The following VPS13B variants were observed in gnomAD, a reference collection of about 807,000 sequenced individuals.
VPS13B encodes vacuolar protein sorting 13 homolog B.
In VPS13B, 285 loss-of-function variants were observed where a neutral mutation model predicts 426.4. The observed-to-expected ratio is 0.67, with a 90% CI of 0.61 to 0.74. The LOEUF (loss-of-function observed/expected upper bound fraction) is 0.74. VPS13B is among the 30% of genes least tolerant of loss of function. VPS13B has a pLI of 0.00. For missense variants in VPS13B, 4,537 were observed against 4,782.6 expected (o/e 0.95, Z 1.51); for synonymous variants, 1,676 against 1,676.4 (o/e 1.00, Z 0.01).
chr8:99,707,411 TC>T (rs1832536955), intron 36 of VPS13B, among the ~76,000 whole-genome samples: 1 of 152,162 alleles, frequency 6.6e-6, no homozygotes, highest in African/African-American at 2.4e-5. Flanking sequence ...TATATTCCTT[TC>T]CCCAAAATCA....
chr8:99,590,182 T>C (rs974185909), intron 33 of VPS13B, among the ~76,000 whole-genome samples: 1 of 152,212 alleles, frequency 6.6e-6, no homozygotes, highest in African/African-American at 2.4e-5. Context: ...TCAGTGGTGA[T>C]ATCACCTTTA....
intron 33 of VPS13B, among the ~76,000 whole-genome samples, chr8:99,640,010 T>TAAGAAGAAGAAGAAGAAG (rs1459641340): frequency 5.5e-5 from 4 of 72,568 alleles, no homozygotes; most frequent in African/African-American, 2.2e-4. Flanking sequence ...ATAATAATAA[T>TAAGAAGAAGAAGAAGAAG]AATAATAATA....
chr8:99,871,799 G>A (rs976854868), intron 61 of VPS13B, 102 bp downstream of exon 61: 65 of 1,592,170 alleles, frequency 4.1e-5, no homozygotes, highest in Non-Finnish European at 5.5e-5. Context: ...AGCCTCTGGA[G>A]TGGCTGCTGG....
intron 3 of VPS13B, among the ~76,000 whole-genome samples, chr8:99,058,345 A>G (rs980809464): frequency 6.6e-6 from 1 of 151,442 alleles, no homozygotes; most frequent in Admixed American, 6.6e-5. Flanking sequence ...AAATATGAAA[A>G]CCCTAAAATC....
At chr8:99,551,253 A>ACT (rs143659116) in intron 30 of VPS13B, among the ~76,000 whole-genome samples, 40,424 of 151,680 alleles carry the variant, frequency 0.27, 6,123 homozygotes, top group East Asian at 0.44. Flanking sequence ...TCAGGCAGTA[A>ACT]CTATTTTTAA....
chr8:99,138,873 A>G (rs1241011141), intron 12 of VPS13B, among the ~76,000 whole-genome samples: 2 of 152,180 alleles, frequency 1.3e-5, no homozygotes. Context: ...TGTAGTAGTT[A>G]CCTTTTAAGC....
chr8:99,207,573 G>A (rs1354745627), intron 17 of VPS13B, among the ~76,000 whole-genome samples: 1 of 152,064 alleles, frequency 6.6e-6, no homozygotes, highest in Non-Finnish European at 1.5e-5. Flanking sequence ...TATTTTATTG[G>A]ATATTTGAAA....
intron 2 of VPS13B, among the ~76,000 whole-genome samples, chr8:99,036,540 A>G (rs1168240306): frequency 1.3e-5 from 2 of 152,078 alleles, no homozygotes; most frequent in African/African-American, 2.4e-5. Context: ...TGTGATTTTG[A>G]AATTGAAACT....
At chr8:99,173,137 A>G (rs1812446893) in intron 16 of VPS13B, among the ~76,000 whole-genome samples, 1 of 152,122 alleles carries the variant, frequency 6.6e-6, no homozygotes, top group Non-Finnish European at 1.5e-5. Context: ...CCAATTGTTG[A>G]TTTTAACTAG....
chr8:99,528,705 TAAG>T (rs939980574), intron 30 of VPS13B, among the ~76,000 whole-genome samples: 2 of 152,112 alleles, frequency 1.3e-5, no homozygotes, highest in African/African-American at 4.8e-5. Flanking sequence ...AAAATTACTG[TAAG>T]AAGCAAGAAT....
At chr8:99,427,918 G>T (rs929142311) in intron 21 of VPS13B, among the ~76,000 whole-genome samples, 9 of 152,124 alleles carry the variant, frequency 5.9e-5, no homozygotes, top group African/African-American at 1.9e-4. Flanking sequence ...AAAACAGCAT[G>T]GTACTGGTAC....
intron 35 of VPS13B, chr8:99,696,623 G>C (rs922837438): frequency 1.5e-6 from 1 of 671,798 alleles, no homozygotes; most frequent in South Asian, 1.5e-5. Flanking sequence ...AGGAGCTTCG[G>C]GTCAACCTGG....
intron 33 of VPS13B, among the ~76,000 whole-genome samples, chr8:99,602,399 A>G (rs1827348924): frequency 6.6e-6 from 1 of 152,168 alleles, no homozygotes; most frequent in South Asian, 2.1e-4. Flanking sequence ...AGGTTACTGT[A>G]GCCTTGTAGT....
At chr8:99,842,327 C>G (rs1246276253) in intron 54 of VPS13B, among the ~76,000 whole-genome samples, 1 of 152,132 alleles carries the variant, frequency 6.6e-6, no homozygotes, top group Non-Finnish European at 1.5e-5. Context: ...AGTAGGGAGA[C>G]TAGGTGCAAT....
chr8:99,749,112 C>G (rs540134413), intron 39 of VPS13B, among the ~76,000 whole-genome samples: 1 of 151,748 alleles, frequency 6.6e-6, no homozygotes, highest in East Asian at 1.9e-4. Flanking sequence ...TTTTTGGGTA[C>G]ATAGTAGATG....
At chr8:99,253,767 TA>T (rs1196016490) in intron 17 of VPS13B, among the ~76,000 whole-genome samples, 1 of 152,332 alleles carries the variant, frequency 6.6e-6, no homozygotes, top group African/African-American at 2.4e-5. Context: ...TCTGCCATTT[TA>T]TTTTTTGCTG....
At chr8:99,794,360 G>A (rs959093374) in intron 43 of VPS13B, among the ~76,000 whole-genome samples, 6 of 152,068 alleles carry the variant, frequency 3.9e-5, no homozygotes, top group African/African-American at 1.4e-4. Context: ...AATGTACAAT[G>A]GTATACGATA....
chr8:99,013,987 G>T lies in VPS13B; in HGVS notation c.147+52G>T, dbSNP rs754083486. 10 of 1,612,418 alleles carry T rather than the reference G, an allele frequency of 6.2e-6. No homozygotes were observed. The Admixed American group carries it at 1.7e-4, about 27-fold the overall frequency. On this transcript the variant is annotated intron_variant, in intron 2 of 61. Coordinates refer to ENST00000357162, the MANE Select transcript of VPS13B (RefSeq NM_152564.5). ...GAAACAGTTTTCAGCTTGTTTAGAC[G>T]GTAATCTATTGTTTCCTAAGCTTTG...
chr8:99,851,999 A>C (rs1163197397), intron 55 of VPS13B, among the ~76,000 whole-genome samples: 1 of 152,152 alleles, frequency 6.6e-6, no homozygotes, highest in Non-Finnish European at 1.5e-5. Context: ...CTTAGACTAC[A>C]GTGGTGTCAG....
Sources: allele counts gnomAD v4.1 joint callset (sites outside exome capture counted in the v4.1 genomes callset), GRCh38; gene constraint gnomAD v4.1.1; transcripts MANE v1.5; gene names NCBI Gene and HGNC (gene_info 2026-07-23, HGNC 2026-07-21).